Variants in DSCAM observed in about 807,000 individuals in gnomAD.
DSCAM encodes the protein DS cell adhesion molecule.
A neutral mutation model predicts 217.7 loss-of-function variants in DSCAM; 47 were observed. The ratio of observed to expected loss-of-function variants is 0.22; its 90% confidence interval spans 0.17 to 0.28. The LOEUF is 0.28. Ranked by LOEUF, DSCAM falls within the 10% of genes least tolerant of loss-of-function variation. The pLI is 1.00. For missense variants in DSCAM, 2,080 were observed against 2,618.3 expected, an observed-to-expected ratio of 0.79 and a Z score of 4.49; for synonymous variants, 1,056 against 1,015.3, an observed-to-expected ratio of 1.04 and a Z score of -0.76.
rs1380351014 is a variant in DSCAM, at chr21:40,678,600, G to C, written c.508+14210C>G. Among the ~76,000 whole-genome samples the C allele has an allele frequency of 4.6e-5, 7 of 152,146 alleles. No individual in the cohort carries two copies. In the East Asian group the frequency reaches 1.4e-3, roughly 29 times the overall value. ...CTTTCCCCCATGTAACCTTTCCAGG[G>C]CTCCAGTATCCAGCTCAAAAAGACA... is the stretch of plus-strand genomic sequence containing the variant. On this transcript the variant is annotated intron_variant, in intron 3 of 32. Coordinates refer to ENST00000400454, the MANE Select transcript of DSCAM (RefSeq NM_001389.5).
In DSCAM at chr21:40,369,394, G is replaced by A. The variant is rs2074871182; in HGVS notation, c.509-149C>T. 1.7e-5 allele frequency: 9 copies of A among 537,880 alleles called. No individual in the cohort carries two copies. The South Asian group carries it at 2.5e-4, about 15-fold the overall frequency. The allele number at this position is 537,880 out of a possible 1,614,324, so 33.3% of individuals were successfully genotyped here. A position where few individuals can be genotyped will look rare whatever the true frequency, so the allele number is the denominator to read the frequency against. ...TGGGTGCGTGCGTCTGCGTGTGTGT[G>A]TGTGTGTGTGTGTGTGTGTGTGTGT... On this transcript the variant is annotated intron_variant, in intron 3 of 32. Coordinates refer to ENST00000400454, the MANE Select transcript of DSCAM (RefSeq NM_001389.5).
intron 1 of DSCAM, among the ~76,000 whole-genome samples, chr21:40,775,574 G>C (rs1440728733): frequency 6.6e-6 from 1 of 152,146 alleles, no homozygotes; most frequent in Non-Finnish European, 1.5e-5. Context: ...CGGATTCTGA[G>C]GCACAGATCC....
chr21:40,113,750 C>T (rs1283516165), intron 20 of DSCAM, among the ~76,000 whole-genome samples: 1 of 152,156 alleles, frequency 6.6e-6, no homozygotes, highest in African/African-American at 2.4e-5. Context: ...AAATCACAAG[C>T]ATTCTTATAT....
intron 3 of DSCAM, among the ~76,000 whole-genome samples, chr21:40,672,738 G>A (rs2090291776): frequency 6.6e-6 from 1 of 151,936 alleles, no homozygotes; most frequent in African/African-American, 2.4e-5. Context: ...ACCTATTGAT[G>A]GTACCAACAT....
rs566064404 is a variant in DSCAM, at chr21:40,055,121, A to C, written c.5035+604T>G. Among the ~76,000 whole-genome samples the C allele has an allele frequency of 7.9e-5, 12 of 152,112 alleles. 1 individual carries two copies. The highest frequency in any genetic ancestry group is 1.8e-4 in the Non-Finnish European group (12 of 68,022). Reference sequence around the variant, plus strand: ...GTGAAGATACCTGGGTTCTGGTTGAACAAGCCAGAAAACCTCAGGGTGGCT... The same window carrying C: ...GTGAAGATACCTGGGTTCTGGTTGACCAAGCCAGAAAACCTCAGGGTGGCT... On this transcript the variant is annotated intron_variant, in intron 29 of 32. Transcript: ENST00000400454.
At chr21:40,245,213 T>C (rs916336929) in intron 11 of DSCAM, among the ~76,000 whole-genome samples, 7 of 152,194 alleles carry the variant, frequency 4.6e-5, no homozygotes, top group African/African-American at 1.7e-4. Context: ...TGATGGGTGA[T>C]TAAGGTGCAA....
intron 3 of DSCAM, among the ~76,000 whole-genome samples, chr21:40,436,701 G>A (rs1415299558): frequency 6.6e-6 from 1 of 152,108 alleles, no homozygotes; most frequent in African/African-American, 2.4e-5. Flanking sequence ...GTGAAACTAG[G>A]CCGCCCTCGT....
At position 40,096,692 on chromosome 21, in the gene DSCAM, C is replaced by T. The variant is rs577511635; in HGVS notation, c.3697-2818G>A. On this transcript the variant is annotated intron_variant, in intron 20 of 32. Coordinates refer to ENST00000400454, the MANE Select transcript of DSCAM (RefSeq NM_001389.5). ...AGCCAAGATACTCAGTGAATTCTAG[C>T]CACAAGAATATTAAAAAAAAAAACT... Among the ~76,000 whole-genome samples the T allele has an allele frequency of 1.1e-4, 17 of 151,388 alleles. No homozygotes were observed. In the East Asian group the frequency reaches 3.1e-3, roughly 28 times the overall value.
At chr21:40,829,870 A>G (rs930169645) in intron 1 of DSCAM, among the ~76,000 whole-genome samples, 2 of 152,208 alleles carry the variant, frequency 1.3e-5, no homozygotes, top group African/African-American at 4.8e-5. Context: ...ATGAGCTGAG[A>G]TTCCAGAAAT....
intron 1 of DSCAM, among the ~76,000 whole-genome samples, chr21:40,804,740 T>C (rs1170930542): frequency 1.3e-5 from 2 of 152,218 alleles, no homozygotes; most frequent in Non-Finnish European, 2.9e-5. Context: ...CTAGGCCTTC[T>C]GTATCTGTTC....
chr21:40,672,883 G>T (rs73905047), intron 3 of DSCAM, among the ~76,000 whole-genome samples: 2,470 of 151,868 alleles, frequency 0.016, 62 homozygotes, highest in African/African-American at 0.057. Flanking sequence ...CCCCATGTCT[G>T]CCACTCAAGT....
chr21:40,060,063 C>A (rs1326927677), intron 28 of DSCAM, among the ~76,000 whole-genome samples: 2 of 152,190 alleles, frequency 1.3e-5, no homozygotes, highest in Non-Finnish European at 2.9e-5. Context: ...TAAATTAATC[C>A]CATACAAATC....
At chr21:40,021,273 G>C (rs952521898) in intron 32 of DSCAM, among the ~76,000 whole-genome samples, 2 of 150,374 alleles carry the variant, frequency 1.3e-5, no homozygotes, top group African/African-American at 4.9e-5. Flanking sequence ...AAAAATTAGA[G>C]ACAGAGTCAC....
intron 3 of DSCAM, among the ~76,000 whole-genome samples, chr21:40,523,251 C>T (rs796595334): frequency 1.1e-4 from 16 of 151,970 alleles, no homozygotes; most frequent in African/African-American, 3.9e-4. Context: ...TAGGTGAAGG[C>T]AGACATTTCT....
intron 20 of DSCAM, among the ~76,000 whole-genome samples, chr21:40,120,691 C>T (rs1163144976): frequency 6.6e-6 from 1 of 152,120 alleles, no homozygotes; most frequent in African/African-American, 2.4e-5. Flanking sequence ...TCTCATTGCA[C>T]TGTTGGACCC....
intron 27 of DSCAM, among the ~76,000 whole-genome samples, chr21:40,067,722 TCATTC>T (rs2089229074): frequency 6.2e-5 from 3 of 48,318 alleles, no homozygotes; most frequent in Admixed American, 2.7e-4. Flanking sequence ...TCCCCTCCCC[TCATTC>T]CCTCCCTCCC....
At chr21:40,293,202 A>T (rs2073915112) in intron 10 of DSCAM, among the ~76,000 whole-genome samples, 2 of 152,054 alleles carry the variant, frequency 1.3e-5, no homozygotes, top group Admixed American at 1.3e-4. Context: ...GCCAGGGGCG[A>T]CCCGGCCAGC....
At chr21:40,782,507 C>A (rs2123433263) in intron 1 of DSCAM, among the ~76,000 whole-genome samples, 1 of 152,294 alleles carries the variant, frequency 6.6e-6, no homozygotes, top group East Asian at 1.9e-4. Context: ...GCGGGAGGAT[C>A]GCTTGAGCCC....
chr21:40,605,588 G>A (rs990608520), intron 3 of DSCAM, among the ~76,000 whole-genome samples: 1 of 152,090 alleles, frequency 6.6e-6, no homozygotes, highest in African/African-American at 2.4e-5. Context: ...AGTGAACATG[G>A]CTGCGTCCCA....
Sources: allele counts gnomAD v4.1 joint callset (sites outside exome capture counted in the v4.1 genomes callset), GRCh38; gene constraint gnomAD v4.1.1; transcripts MANE v1.5; gene names NCBI Gene and HGNC (gene_info 2026-07-23, HGNC 2026-07-21).